The following PDE10A variants were observed in gnomAD, a reference collection of about 807,000 sequenced individuals.
PDE10A encodes the protein phosphodiesterase 10A.
PDE10A carries 39 observed loss-of-function variants against 97.7 expected under a neutral mutation model. That is an observed-to-expected ratio of 0.40 (90% CI 0.31 to 0.52). The LOEUF is 0.52. Ranked by LOEUF, PDE10A falls within the 20% of genes least tolerant of loss-of-function variation. The pLI is 0.56. For missense variants in PDE10A, 731 were observed against 1,047.8 expected, an observed-to-expected ratio of 0.70 and a Z score of 4.17; for synonymous variants, 371 against 376.8, an observed-to-expected ratio of 0.98 and a Z score of 0.18.
At chr6:165,633,653 G>A (rs367608603) in intron 1 of PDE10A, among the ~76,000 whole-genome samples, 10 of 152,232 alleles carry the variant, frequency 6.6e-5, no homozygotes, top group Admixed American at 3.3e-4. Context: ...TTGAGACAGA[G>A]TCTCACTCAG....
At chr6:165,803,269 G>A (rs977301158) in intron 1 of PDE10A, among the ~76,000 whole-genome samples, 1 of 152,104 alleles carries the variant, frequency 6.6e-6, no homozygotes, top group East Asian at 1.9e-4. Context: ...TTTCATTCTA[G>A]ATATGCTCCC....
chr6:165,916,272 T>C (rs1365991137), intron 1 of PDE10A, among the ~76,000 whole-genome samples: 3 of 152,272 alleles, frequency 2.0e-5, no homozygotes, highest in South Asian at 2.1e-4. Context: ...GTCAGCATCA[T>C]GAAACTTCAT....
chr6:165,751,679 C>T (rs1793004571), intron 1 of PDE10A, among the ~76,000 whole-genome samples: 1 of 152,134 alleles, frequency 6.6e-6, no homozygotes, highest in Non-Finnish European at 1.5e-5. Context: ...AAAAGCGATC[C>T]CTCGCTGCCC....
chr6:165,431,378 C>G, intron 8 of PDE10A, 44 bp downstream of exon 8: 2 of 1,410,590 alleles, frequency 1.4e-6, no homozygotes, highest in Non-Finnish European at 2.0e-6. Flanking sequence ...CCAAAAACCT[C>G]TTCTCCCTTA....
chr6:165,756,331 A>T (rs948648918), intron 1 of PDE10A, among the ~76,000 whole-genome samples: 2 of 152,144 alleles, frequency 1.3e-5, no homozygotes, highest in African/African-American at 2.4e-5. Flanking sequence ...TTGTTCAAAA[A>T]TTTTTTAAAA....
At chr6:165,360,882 A>G (rs981021165) in intron 18 of PDE10A, among the ~76,000 whole-genome samples, 8 of 152,200 alleles carry the variant, frequency 5.3e-5, no homozygotes, top group South Asian at 4.1e-4. Context: ...GACTGTGGGT[A>G]CACCAATGCT....
At chr6:165,780,816 C>A (rs1778322479) in intron 1 of PDE10A, 1 of 152,286 alleles carries the variant, frequency 6.6e-6, no homozygotes, top group Non-Finnish European at 1.5e-5. Context: ...TTTTGGATCT[C>A]TTTGGTATCT....
At position 165,711,500 on chromosome 6, in the gene PDE10A, A is replaced by G. The variant is rs1431957541; in HGVS notation, c.-614-167932T>C. Among the ~76,000 whole-genome samples, 4 of 152,100 alleles carry G rather than the reference A, an allele frequency of 2.6e-5. No individual in the cohort carries two copies. The highest frequency in any genetic ancestry group is 5.9e-5 in the Non-Finnish European group (4 of 68,008). On this transcript the variant is annotated intron_variant, in intron 1 of 19. Transcript: ENST00000366882. The surrounding 1 kb of genome is among the most constrained non-coding windows in gnomAD (Gnocchi z 4.5). Reference sequence around the variant, plus strand: ...GAGTTAGCTGTCTGGAGAGGGCCTTAAGTCACTCTCCATTTGGAGGTTTTC... The same window carrying G: ...GAGTTAGCTGTCTGGAGAGGGCCTTGAGTCACTCTCCATTTGGAGGTTTTC...
chr6:165,552,420 G>A (rs924364772), intron 1 of PDE10A, among the ~76,000 whole-genome samples: 14 of 152,308 alleles, frequency 9.2e-5, no homozygotes, highest in East Asian at 1.9e-4. Context: ...AGGCCACTGT[G>A]CCTAGACTGT....
At chr6:165,799,928 G>A (rs1300632047) in intron 1 of PDE10A, among the ~76,000 whole-genome samples, 1 of 152,176 alleles carries the variant, frequency 6.6e-6, no homozygotes, top group Non-Finnish European at 1.5e-5. Flanking sequence ...TCTGGATAGT[G>A]TGGGCCTGCA....
At chr6:165,787,166 A>G (rs1369720384) in intron 1 of PDE10A, among the ~76,000 whole-genome samples, 2 of 152,194 alleles carry the variant, frequency 1.3e-5, no homozygotes, top group African/African-American at 4.8e-5. Flanking sequence ...CCCAAGTAGA[A>G]GTACTATAGG....
chr6:165,947,375 T>C (rs1015316883), intron 1 of PDE10A, among the ~76,000 whole-genome samples: 1 of 152,234 alleles, frequency 6.6e-6, no homozygotes, highest in African/African-American at 2.4e-5. Context: ...AATCCTTCCA[T>C]TGTACAGCTA....
chr6:165,704,525 C>T (rs1018584068), intron 1 of PDE10A, among the ~76,000 whole-genome samples: 1 of 152,124 alleles, frequency 6.6e-6, no homozygotes, highest in Non-Finnish European at 1.5e-5. Flanking sequence ...CACACATGAT[C>T]CCATCTGTCA....
intron 1 of PDE10A, among the ~76,000 whole-genome samples, chr6:165,898,447 C>T (rs942445658): frequency 7.9e-5 from 12 of 152,118 alleles, no homozygotes; most frequent in African/African-American, 2.9e-4. Context: ...GAACAGGCCA[C>T]TCCAGGGCAC....
intron 1 of PDE10A, among the ~76,000 whole-genome samples, chr6:165,946,508 A>AG (rs1783776027): frequency 6.6e-6 from 1 of 151,782 alleles, no homozygotes; most frequent in South Asian, 2.1e-4. Flanking sequence ...TAAAAAAAAA[A>AG]AAAAAGAAAA....
chr6:165,729,574 T>C (rs1792378312), intron 1 of PDE10A, among the ~76,000 whole-genome samples: 1 of 152,184 alleles, frequency 6.6e-6, no homozygotes, highest in South Asian at 2.1e-4. Flanking sequence ...ACCACAGGGA[T>C]CCACAGTTCT....
In PDE10A at chr6:165,416,239, T is replaced by C. The variant is rs1391685085; in HGVS notation, c.1839A>G (p.Thr613=). ...CATCTGGAATGTTCAGGACTTCCCC[T>C]GTTCTTGCTACTTGGCCAGCAATTC... ...EKGIAGQVAR[T]GEVLNIPDAY... Residue 613 remains threonine, a synonymous_variant, in exon 12 of 22, where the codon ACA becomes ACG. Coordinates refer to ENST00000539869, the MANE Select transcript of PDE10A (RefSeq NM_001385079.1). 1 of 1,613,730 alleles carries C rather than the reference T, an allele frequency of 6.2e-7. No individual in the cohort carries two copies. The highest frequency in any genetic ancestry group is 2.2e-5 in the East Asian group (1 of 44,878).
intron 1 of PDE10A, among the ~76,000 whole-genome samples, chr6:165,943,239 G>A (rs1271098540): frequency 1.9e-5 from 1 of 51,828 alleles, no homozygotes; most frequent in Non-Finnish European, 3.6e-5. Context: ...AAGAAAGAAG[G>A]AAGGAAGGAA....
At chr6:165,447,341 G>A (rs1020403567) in intron 5 of PDE10A, among the ~76,000 whole-genome samples, 1 of 152,188 alleles carries the variant, frequency 6.6e-6, no homozygotes, top group African/African-American at 2.4e-5. Context: ...TGAACGGCTA[G>A]AATTGCTGAG....
Sources: allele counts gnomAD v4.1 joint callset (sites outside exome capture counted in the v4.1 genomes callset), GRCh38; gene constraint gnomAD v4.1.1; non-coding constraint Gnocchi (gnomAD v3.1); transcripts MANE v1.5; gene names NCBI Gene and HGNC (gene_info 2026-07-23, HGNC 2026-07-21).